The following EPB41L4A variants were observed in gnomAD, a reference collection of about 807,000 sequenced individuals.
EPB41L4A encodes band 4.1-like protein 4A.
Under a neutral mutation model 108.6 loss-of-function variants are expected in EPB41L4A, and 100 were observed. That is an observed-to-expected ratio of 0.92 (90% CI 0.78 to 1.09). The LOEUF is 1.09. EPB41L4A is among the 50% of genes least tolerant of loss of function. The pLI is 0.00. For synonymous variants in EPB41L4A, 319 were observed against 289.0 expected (o/e 1.10, Z -1.05); for missense variants, 1,030 against 842.7 (o/e 1.22, Z -2.75).
intron 14 of EPB41L4A, 117 bp downstream of exon 14, chr5:112,205,304 C>A (rs1762419613): frequency 1.1e-6 from 1 of 880,150 alleles, no homozygotes; most frequent in Non-Finnish European, 1.9e-6. Flanking sequence ...AGTCTGCCCA[C>A]TTTATCCACA....
At chr5:112,252,965 G>T (rs1750797368) in intron 9 of EPB41L4A, among the ~76,000 whole-genome samples, 1 of 152,174 alleles carries the variant, frequency 6.6e-6, no homozygotes, top group Admixed American at 6.5e-5. Flanking sequence ...TCAGTGGAAT[G>T]CTGAGGGCTG....
chr5:112,247,764 C>T (rs4958025), intron 9 of EPB41L4A, among the ~76,000 whole-genome samples: 45,337 of 151,948 alleles, frequency 0.3, 7,463 homozygotes, highest in Non-Finnish European at 0.37. Context: ...CAAAGTATTC[C>T]GTCTTAAAAT....
intron 1 of EPB41L4A, among the ~76,000 whole-genome samples, chr5:112,356,511 A>G (rs1222961186): frequency 6.6e-6 from 1 of 152,226 alleles, no homozygotes; most frequent in African/African-American, 2.4e-5. Context: ...CCTGATATGA[A>G]GATACTATGC....
chr5:112,340,567 T>C (rs1268674976), intron 1 of EPB41L4A, among the ~76,000 whole-genome samples: 1 of 152,220 alleles, frequency 6.6e-6, no homozygotes, highest in East Asian at 1.9e-4. Flanking sequence ...TATTTTCTAG[T>C]TCTCATATAA....
intron 1 of EPB41L4A, chr5:112,363,414 T>A (rs1263690943): frequency 1.7e-5 from 2 of 119,426 alleles, no homozygotes; most frequent in African/African-American, 3.7e-5. Context: ...GACCCTTGAC[T>A]CTACAAAAAA....
chr5:112,247,264 G>T (rs1043053578), intron 9 of EPB41L4A, among the ~76,000 whole-genome samples: 1 of 152,166 alleles, frequency 6.6e-6, no homozygotes, highest in Non-Finnish European at 1.5e-5. Flanking sequence ...AGGGGTGGGT[G>T]TTTTTAAGGG....
intron 12 of EPB41L4A, among the ~76,000 whole-genome samples, chr5:112,219,216 G>A (rs1186779323): frequency 6.6e-6 from 1 of 152,148 alleles, no homozygotes; most frequent in Non-Finnish European, 1.5e-5. Context: ...GTCGTCGTGG[G>A]AGGGAGCCAG....
intron 1 of EPB41L4A, among the ~76,000 whole-genome samples, chr5:112,381,898 A>C (rs1371475679): frequency 6.6e-6 from 1 of 152,254 alleles, no homozygotes; most frequent in East Asian, 1.9e-4. Flanking sequence ...GGAGGATCAG[A>C]AGACTGGGTA....
At chr5:112,313,173 T>A (rs1755158291) in intron 1 of EPB41L4A, among the ~76,000 whole-genome samples, 1 of 152,170 alleles carries the variant, frequency 6.6e-6, no homozygotes, top group Non-Finnish European at 1.5e-5. Context: ...ATGCGGGAAG[T>A]CTTTGACCAG....
upstream of EPB41L4A, chr5:112,419,852 C>A (rs770886690): frequency 4.4e-6 from 2 of 456,788 alleles, no homozygotes; most frequent in South Asian, 3.1e-5. Flanking sequence ...TAGCCAAGTT[C>A]AAGCTCTCCC....
chr5:112,367,071 G>A (rs2112518495), intron 1 of EPB41L4A, among the ~76,000 whole-genome samples: 1 of 152,270 alleles, frequency 6.6e-6, no homozygotes, highest in South Asian at 2.1e-4. Context: ...CCAGAAACAG[G>A]CAGATGAGGC....
intron 1 of EPB41L4A, among the ~76,000 whole-genome samples, chr5:112,327,024 C>G (rs1233638361): frequency 6.6e-6 from 1 of 152,166 alleles, no homozygotes; most frequent in Non-Finnish European, 1.5e-5. Context: ...CTAAATCTTA[C>G]AAACCTTACA....
chr5:112,227,715 T>A (rs929680094), intron 12 of EPB41L4A, among the ~76,000 whole-genome samples: 1 of 152,228 alleles, frequency 6.6e-6, no homozygotes, highest in African/African-American at 2.4e-5. Context: ...CTGACTTGCA[T>A]CTGACACAAT....
intron 2 of EPB41L4A, among the ~76,000 whole-genome samples, chr5:112,300,183 T>C (rs1389672778): frequency 6.6e-6 from 1 of 152,098 alleles, no homozygotes. Flanking sequence ...TTCCATTCAT[T>C]GTGCTATTTG....
intron 9 of EPB41L4A, among the ~76,000 whole-genome samples, chr5:112,252,349 C>T (rs1750738183): frequency 6.6e-6 from 1 of 152,150 alleles, no homozygotes; most frequent in South Asian, 2.1e-4. Context: ...GCAATGACCA[C>T]ACCTAGCACC....
At chr5:112,325,893 C>G (rs972764691) in intron 1 of EPB41L4A, among the ~76,000 whole-genome samples, 16 of 152,178 alleles carry the variant, frequency 1.1e-4, no homozygotes, top group Non-Finnish European at 1.5e-5. Context: ...TGCCTGCAAT[C>G]CCAACTACAG....
At chr5:112,278,938 G>A (rs1432684435) in intron 3 of EPB41L4A, among the ~76,000 whole-genome samples, 1 of 151,158 alleles carries the variant, frequency 6.6e-6, no homozygotes, top group Non-Finnish European at 1.5e-5. Context: ...GGTGGTGGGC[G>A]CTTGTAATCC....
intron 1 of EPB41L4A, among the ~76,000 whole-genome samples, chr5:112,322,699 GACACACAC>G (rs111502535): frequency 4.1e-5 from 6 of 145,860 alleles, no homozygotes; most frequent in East Asian, 2.0e-4. Flanking sequence ...TCCACTATGA[GACACACAC>G]ACACACACAC....
At chr5:112,144,567 G>A (rs182368165) in intron 13 of EPB41L4A, among the ~76,000 whole-genome samples, 2 of 152,268 alleles carry the variant, frequency 1.3e-5, no homozygotes, top group Admixed American at 1.3e-4. Flanking sequence ...ATGAGCCACC[G>A]CGCCTGGTCT....
Sources: allele counts gnomAD v4.1 joint callset (sites outside exome capture counted in the v4.1 genomes callset), GRCh38; gene constraint gnomAD v4.1.1; transcripts MANE v1.5; gene names NCBI Gene and HGNC (gene_info 2026-07-23, HGNC 2026-07-21).